The following GABBR2 variants were observed in gnomAD, a reference collection of about 807,000 sequenced individuals.
GABBR2 encodes the protein gamma-aminobutyric acid type B receptor subunit 2, also known as G-protein coupled receptor 51.
Under a neutral mutation model 105.6 loss-of-function variants are expected in GABBR2, and 23 were observed. That is an observed-to-expected ratio of 0.22 (90% CI 0.16 to 0.31). The LOEUF is 0.31. Ranked by LOEUF, GABBR2 falls within the 10% of genes least tolerant of loss-of-function variation. The probability of loss-of-function intolerance (pLI) is 1.00; values close to 1 mark genes in which losing one functional copy is unlikely to be tolerated. For synonymous variants in GABBR2, 478 were observed against 499.7 expected (o/e 0.96, Z 0.58); for missense variants, 734 against 1,245.5 (o/e 0.59, Z 6.18).
At chr9:98,414,450 C>G (rs561524901) in intron 7 of GABBR2, among the ~76,000 whole-genome samples, 1 of 152,192 alleles carries the variant, frequency 6.6e-6, no homozygotes, top group Non-Finnish European at 1.5e-5. Context: ...GCAAGGTGGA[C>G]AGGTGCAAGG....
At chr9:98,529,452 A>G (rs770846031) in intron 3 of GABBR2, among the ~76,000 whole-genome samples, 4 of 152,224 alleles carry the variant, frequency 2.6e-5, no homozygotes, top group Non-Finnish European at 5.9e-5. Context: ...GCATGTATTT[A>G]TTTACACACA....
chr9:98,303,285 C>T lies in GABBR2; in HGVS notation c.2368G>A (p.Gly790Ser), dbSNP rs372381413. The T allele has an allele frequency of 6.2e-7, 1 of 1,614,178 alleles. No individual in the cohort carries two copies. The highest frequency in any genetic ancestry group is 8.5e-7 in the Non-Finnish European group (1 of 1,180,024). The change falls in exon 16 of 19, where the codon GGC becomes AGC. Residue 790 changes from glycine (G) to serine (S), a missense_variant. Physicochemically the swap from Gly to Ser is moderately conservative, Grantham distance 56 (BLOSUM62 0). This residue lies in a region of GABBR2 where 91 missense variants were observed against 185.9 expected (regional missense o/e 0.49). Transcript: ENST00000259455. ...AGGCGATGGTTTTCTGACTGTAGGC[C>T]CTCCAGGCGGGATGTGCTGGCTTGG... is the stretch of plus-strand genomic sequence containing the variant. ...VNQASTSRLE[G>S]LQSENHRLRM...
At chr9:98,448,715 G>A (rs1826180150) in intron 7 of GABBR2, among the ~76,000 whole-genome samples, 1 of 152,176 alleles carries the variant, frequency 6.6e-6, no homozygotes, top group African/African-American at 2.4e-5. Context: ...ACTGCACCCA[G>A]CTGATTCTGT....
In GABBR2 at chr9:98,353,968, G is replaced by A. The variant is rs371314381; in HGVS notation, c.1893+8747C>T. On this transcript the variant is annotated intron_variant, in intron 13 of 18. Coordinates refer to ENST00000259455, the MANE Select transcript of GABBR2 (RefSeq NM_005458.8). ...TTCTCTTTTGCCTTCTGCTATGATT[G>A]AAAGTTTCCTGAGGCCTTCCCAGCA... 2.8e-4 allele frequency among the ~76,000 whole-genome samples: 42 copies of A among 152,290 alleles called. No homozygotes were observed. In the South Asian group the frequency reaches 7.7e-3, roughly 28 times the overall value.
Position 98,570,556 on chromosome 9 carries a change from C to G in GABBR2, c.459+7379G>C, listed in dbSNP as rs117595185. Among the ~76,000 whole-genome samples the G allele has an allele frequency of 1.4e-4, 21 of 152,320 alleles. 1 individual carries two copies. The East Asian group carries it at 4.1e-3, about 29-fold the overall frequency. On this transcript the variant is annotated intron_variant, in intron 2 of 18. Transcript: ENST00000259455. Reference sequence around the variant, plus strand: ...TAGCATCTCTTGGACCTTTCCCATGCTCTGTCTCCATCTTCCCCACCCAGC... The same window carrying G: ...TAGCATCTCTTGGACCTTTCCCATGGTCTGTCTCCATCTTCCCCACCCAGC...
chr9:98,662,249 C>G (rs895004741), intron 1 of GABBR2, among the ~76,000 whole-genome samples: 2 of 152,134 alleles, frequency 1.3e-5, no homozygotes, highest in African/African-American at 4.8e-5. Flanking sequence ...TAGCCTGTGG[C>G]ATGCTGAAGC....
rs56128677 is a variant in GABBR2 at position 98,363,096 on chromosome 9, G to A, written c.1771-259C>T. ...GTTTGGCCACTCCTAGTCCCTGGCCGAGCTGTGATTTTCACCCTCCAGGTC... is the reference window on the plus strand; with the variant it reads ...GTTTGGCCACTCCTAGTCCCTGGCCAAGCTGTGATTTTCACCCTCCAGGTC... On this transcript the variant is annotated intron_variant, in intron 12 of 18. Transcript: ENST00000259455. 0.074 allele frequency among the ~76,000 whole-genome samples: 11,274 copies of A among 152,216 alleles called. 561 individuals are homozygous for A. The highest frequency in any genetic ancestry group is 0.13 in the African/African-American group (5,603 of 41,516).
At chr9:98,599,053 G>T (rs1042349148) in intron 1 of GABBR2, among the ~76,000 whole-genome samples, 7 of 152,260 alleles carry the variant, frequency 4.6e-5, no homozygotes, top group Non-Finnish European at 8.8e-5. Context: ...CAGGCTGACC[G>T]GGAGACAAGA....
chr9:98,415,605 C>A (rs1382569296), intron 7 of GABBR2, among the ~76,000 whole-genome samples: 1 of 152,186 alleles, frequency 6.6e-6, no homozygotes, highest in Non-Finnish European at 1.5e-5. Flanking sequence ...GTGCAAGCTA[C>A]TTTTAGCTTT....
At chr9:98,416,267 G>A (rs1832687773) in intron 7 of GABBR2, among the ~76,000 whole-genome samples, 1 of 152,170 alleles carries the variant, frequency 6.6e-6, no homozygotes, top group Non-Finnish European at 1.5e-5. Flanking sequence ...TTAAGATTGT[G>A]AATGCAAAAT....
intron 1 of GABBR2, among the ~76,000 whole-genome samples, chr9:98,601,760 G>A: frequency 6.6e-6 from 1 of 152,136 alleles, no homozygotes; most frequent in East Asian, 1.9e-4. Flanking sequence ...TGGGCCAAGG[G>A]CTGGTCATTG....
intron 7 of GABBR2, among the ~76,000 whole-genome samples, chr9:98,414,662 C>T (rs1384327344): frequency 6.6e-6 from 1 of 152,158 alleles, no homozygotes; most frequent in Non-Finnish European, 1.5e-5. Flanking sequence ...AAATTCATTT[C>T]CTTTTCCTCC....
intron 4 of GABBR2, 91 bp downstream of exon 4, chr9:98,496,322 C>G: frequency 2.4e-6 from 2 of 835,398 alleles, no homozygotes; most frequent in Non-Finnish European, 4.1e-6. Flanking sequence ...GAGACCCAGA[C>G]CAAACTTGAG....
intron 1 of GABBR2, among the ~76,000 whole-genome samples, chr9:98,580,828 C>T (rs1186364): frequency 0.39 from 58,794 of 151,624 alleles, 11,816 homozygotes; most frequent in African/African-American, 0.49. Context: ...TTCATCTGCT[C>T]TCCTCCTCCT....
chr9:98,421,102 T>C (rs1564061591), intron 7 of GABBR2, among the ~76,000 whole-genome samples: 1 of 152,208 alleles, frequency 6.6e-6, no homozygotes, highest in South Asian at 2.1e-4. Context: ...CCCAGGGTAC[T>C]AGAGTGAACT....
chr9:98,474,258 C>G (rs1423089316), intron 5 of GABBR2, among the ~76,000 whole-genome samples: 1 of 152,132 alleles, frequency 6.6e-6, no homozygotes, highest in Non-Finnish European at 1.5e-5. Context: ...GGGTACAAAG[C>G]TACACTGCTT....
At position 98,704,369 on chromosome 9, in the gene GABBR2, G is replaced by T. The variant is rs1830868446; in HGVS notation, c.321+4048C>A. Among the ~76,000 whole-genome samples the T allele has an allele frequency of 5.3e-5, 8 of 152,312 alleles. No individual in the cohort carries two copies. In the South Asian group the frequency reaches 1.7e-3, roughly 32 times the overall value. On this transcript the variant is annotated intron_variant, in intron 1 of 18. Transcript: ENST00000259455. Reference sequence around the variant, plus strand: ...GTTGTACCCCTAGACTGGGCTCCTTGGCTCCCTGAACTTTCTCTAAGTTTA... The same window carrying T: ...GTTGTACCCCTAGACTGGGCTCCTTTGCTCCCTGAACTTTCTCTAAGTTTA...
chr9:98,626,297 G>T (rs1269337410), intron 1 of GABBR2, among the ~76,000 whole-genome samples: 1 of 152,198 alleles, frequency 6.6e-6, no homozygotes, highest in Non-Finnish European at 1.5e-5. Flanking sequence ...TTTCTGGGGT[G>T]ATTAAAATGT....
At chr9:98,575,260 T>C (rs537605368) in intron 2 of GABBR2, among the ~76,000 whole-genome samples, 6 of 152,196 alleles carry the variant, frequency 3.9e-5, no homozygotes, top group African/African-American at 1.2e-4. Flanking sequence ...GGAGGCAGCA[T>C]TTAAGCTGGG....
Sources: allele counts gnomAD v4.1 joint callset (sites outside exome capture counted in the v4.1 genomes callset), GRCh38; gene constraint gnomAD v4.1.1; regional missense constraint gnomAD v4.1.1; transcripts MANE v1.5; gene names NCBI Gene and HGNC (gene_info 2026-07-23, HGNC 2026-07-21).